CLIC5: variants seen among roughly 807,000 people sequenced by gnomAD.
The protein encoded by CLIC5 is chloride intracellular channel protein 5.
CLIC5 carries 20 observed loss-of-function variants against 24.7 expected under a neutral mutation model. The observed-to-expected ratio is 0.81, with a 90% CI of 0.57 to 1.18. CLIC5 has a LOEUF of 1.18. CLIC5 is among the 50% of genes most tolerant of loss of function. CLIC5 has a pLI of 0.00. For synonymous variants in CLIC5, 159 were observed against 135.6 expected (o/e 1.17, Z -1.20); for missense variants, 341 against 326.1 (o/e 1.05, Z -0.35).
chr6:46,035,140 T>C (rs981404784), intron 1 of CLIC5, among the ~76,000 whole-genome samples: 12 of 152,052 alleles, frequency 7.9e-5, no homozygotes, highest in Non-Finnish European at 1.5e-4. Flanking sequence ...AAAAAGGAGA[T>C]CGGGAAGTTT....
the CLIC5 span, among the ~76,000 whole-genome samples, chr6:46,128,804 G>T: frequency 0.13 from 20,142 of 152,112 alleles, 1,777 homozygotes; most frequent in South Asian, 0.32. Flanking sequence ...ATGGATCTAA[G>T]ATGCCCATAT....
intron 1 of CLIC5, chr6:46,014,525 C>T (rs920127008): frequency 3.3e-5 from 5 of 152,160 alleles, no homozygotes; most frequent in African/African-American, 1.2e-4. Context: ...GTCTTGGCGC[C>T]CAGGCAGTCC....
chr6:46,082,940 T>G (rs1200669330), upstream of CLIC5, among the ~76,000 whole-genome samples: 1 of 152,234 alleles, frequency 6.6e-6, no homozygotes, highest in African/African-American at 2.4e-5. Context: ...TGTCTACTTT[T>G]TCATCATTAT....
At chr6:45,957,890 A>T (rs973261744) in intron 1 of CLIC5, among the ~76,000 whole-genome samples, 1 of 152,164 alleles carries the variant, frequency 6.6e-6, no homozygotes, top group African/African-American at 2.4e-5. Flanking sequence ...GGTGGGGCTC[A>T]GTTGGGCCCC....
chr6:45,920,296 G>A (rs3822882), intron 4 of CLIC5: 396,959 of 967,642 alleles, frequency 0.41, 86,106 homozygotes, highest in African/African-American at 0.67. Flanking sequence ...CTAGGGGCCA[G>A]TGCTGTCACA....
rs3777579 is a variant in CLIC5, at chr6:45,941,026, G to A, written c.406+521C>T. On this transcript the variant is annotated intron_variant, in intron 4 of 5. Transcript: ENST00000339561. ...TAGGATGGGCCAGGCTTTGAGGAGT[G>A]GCTTTCCAGGGCCCACTGTCCTGCA... 2.8e-3 allele frequency among the ~76,000 whole-genome samples: 431 copies of A among 152,304 alleles called. 11 individuals carry two copies. In the East Asian group the frequency reaches 0.075, roughly 27 times the overall value.
At chr6:46,060,455 T>C (rs1031733061) in intron 1 of CLIC5, among the ~76,000 whole-genome samples, 3 of 152,158 alleles carry the variant, frequency 2.0e-5, no homozygotes, top group Non-Finnish European at 4.4e-5. Context: ...CTAATAGTTG[T>C]ATGGTGCTTA....
At chr6:45,947,571 C>A (rs1176844992) in intron 3 of CLIC5, among the ~76,000 whole-genome samples, 1 of 152,200 alleles carries the variant, frequency 6.6e-6, no homozygotes, top group African/African-American at 2.4e-5. Flanking sequence ...CGGAAGCCCC[C>A]ACTCCTGAGT....
the CLIC5 span, among the ~76,000 whole-genome samples, chr6:46,114,483 A>G: frequency 6.6e-6 from 1 of 152,186 alleles, no homozygotes; most frequent in Non-Finnish European, 1.5e-5. Flanking sequence ...GTATCTAGCT[A>G]CATTCTGTCA....
At chr6:45,996,637 G>A (rs1454080585) in intron 1 of CLIC5, among the ~76,000 whole-genome samples, 1 of 152,076 alleles carries the variant, frequency 6.6e-6, no homozygotes, top group Non-Finnish European at 1.5e-5. Flanking sequence ...AATCTACAAT[G>A]AACTCAAACA....
intron 4 of CLIC5, among the ~76,000 whole-genome samples, chr6:45,930,958 G>A (rs1170126526): frequency 2.0e-5 from 3 of 152,138 alleles, no homozygotes; most frequent in Non-Finnish European, 4.4e-5. Flanking sequence ...ACAGTCCAAG[G>A]ACTAAATCCA....
chr6:45,965,847 C>T (rs989995329), intron 1 of CLIC5, among the ~76,000 whole-genome samples: 15 of 152,280 alleles, frequency 9.9e-5, no homozygotes, highest in African/African-American at 2.2e-4. Context: ...AGCTCTTGAT[C>T]GTGAATCCAT....
chr6:46,083,574 G>A (rs1040279361), upstream of CLIC5, among the ~76,000 whole-genome samples: 1 of 152,106 alleles, frequency 6.6e-6, no homozygotes, highest in Non-Finnish European at 1.5e-5. Flanking sequence ...TTTCCATGTA[G>A]TTGAGCAGTT....
At chr6:46,076,256 C>CCA in intron 1 of CLIC5, among the ~76,000 whole-genome samples, 1 of 152,338 alleles carries the variant, frequency 6.6e-6, no homozygotes. Context: ...CCCACTGCAG[C>CCA]CACACTACTG....
intron 1 of CLIC5, among the ~76,000 whole-genome samples, chr6:46,022,347 C>A (rs896396120): frequency 6.6e-6 from 1 of 152,156 alleles, no homozygotes; most frequent in Non-Finnish European, 1.5e-5. Context: ...ACTCACTATA[C>A]CCAGAGTAGC....
At chr6:46,084,470 T>C (rs56689634), upstream of CLIC5, among the ~76,000 whole-genome samples, 221 of 152,332 alleles carry the variant, frequency 1.5e-3, 2 homozygotes, top group Middle Eastern at 0.017. Flanking sequence ...GCAGGCCTGG[T>C]GGTGACAAAA....
intron 1 of CLIC5, among the ~76,000 whole-genome samples, chr6:45,971,717 C>A (rs562007998): frequency 1.7e-4 from 26 of 152,268 alleles, no homozygotes; most frequent in African/African-American, 5.8e-4. Flanking sequence ...ATAGAAAATT[C>A]TGAGGTCTCA....
chr6:45,976,198 C>T (rs186374740), intron 1 of CLIC5, among the ~76,000 whole-genome samples: 32 of 152,228 alleles, frequency 2.1e-4, no homozygotes, highest in East Asian at 5.8e-4. Context: ...ATTACGTATA[C>T]GGCAGAATGG....
Position 45,902,872 on chromosome 6 carries a change from T to C in CLIC5, c.*216A>G. 1.7e-6 allele frequency: 1 copy of C among 574,286 alleles called. No homozygotes were observed. Among genetic ancestry groups the C allele is most frequent in the East Asian group, 3.1e-5 (1 of 32,178 alleles). The allele number at this position is 574,286 out of a possible 1,614,324, so 35.6% of individuals were successfully genotyped here. A position where few individuals can be genotyped will look rare whatever the true frequency, so the allele number is the denominator to read the frequency against. On this transcript the variant is annotated 3_prime_UTR_variant, in exon 6 of 6. Coordinates refer to ENST00000339561, the MANE Select transcript of CLIC5 (RefSeq NM_016929.5). ...GGCTGGCCGGCCGAAAGGTGGACTG[T>C]GTCTATCATTTCTGCTAGATTCCTA...
Sources: allele counts gnomAD v4.1 joint callset (sites outside exome capture counted in the v4.1 genomes callset), GRCh38; gene constraint gnomAD v4.1.1; transcripts MANE v1.5; gene names NCBI Gene and HGNC (gene_info 2026-07-23, HGNC 2026-07-21).